CCSER2: variants seen among roughly 807,000 people sequenced by gnomAD.
CCSER2 encodes serine-rich coiled-coil domain-containing protein 2.
Under a neutral mutation model 92.3 loss-of-function variants are expected in CCSER2, and 46 were observed. The ratio of observed to expected loss-of-function variants is 0.50; its 90% CI spans 0.39 to 0.64. The LOEUF (loss-of-function observed/expected upper bound fraction) is 0.64. Ranked by LOEUF, CCSER2 falls within the 30% of genes least tolerant of loss-of-function variation. The probability of loss-of-function intolerance (pLI) is 0.00; values close to 1 mark genes in which losing one functional copy is unlikely to be tolerated. For missense variants in CCSER2, 1,244 were observed against 1,238.9 expected, an observed-to-expected ratio of 1.00 and a Z score of -0.06; for synonymous variants, 433 against 431.4, an observed-to-expected ratio of 1.00 and a Z score of -0.04.
intron 3 of CCSER2, among the ~76,000 whole-genome samples, chr10:84,375,131 A>G (rs1846258118): frequency 6.6e-6 from 1 of 152,166 alleles, no homozygotes. Flanking sequence ...ACCACTTAGT[A>G]CCTGACAGTT....
At chr10:84,513,422 T>C in intron 9 of CCSER2, 27 bp from the exon 10 acceptor site, 1 of 1,518,246 alleles carries the variant, frequency 6.6e-7, no homozygotes, top group African/African-American at 1.4e-5. Context: ...AAGAACTTGC[T>C]GCTAATGTTG....
At position 84,479,188 on chromosome 10, in the gene CCSER2, G is replaced by A. The variant is rs965774293; in HGVS notation, c.2325+1524G>A. On this transcript the variant is annotated intron_variant, in intron 9 of 9. Coordinates refer to ENST00000372088, the MANE Select transcript of CCSER2 (RefSeq NM_001284240.2). The stretch of plus-strand genomic sequence containing the variant: ...TCAGACAAAAGTAACTATAAAAAAA[G>A]TAACTATAAAAGTTACTATAGGAAT... 5.3e-5 allele frequency among the ~76,000 whole-genome samples: 8 copies of A among 152,300 alleles called. No individual in the cohort carries two copies. In the South Asian group the frequency reaches 8.3e-4, roughly 16 times the overall value.
rs2133179860 is a variant in CCSER2, at chr10:84,373,646, C to A, written c.1445C>A (p.Ser482Tyr). 2 of 1,612,970 alleles carry A rather than the reference C, an allele frequency of 1.2e-6. No homozygotes were observed. Among genetic ancestry groups the A allele is most frequent in the East Asian group, 4.5e-5 (2 of 44,814 alleles). The change falls in exon 3 of 10, where the codon TCT (serine) becomes TAT (tyrosine). Residue 482 changes from serine (S) to tyrosine (Y), a missense_variant. Ser to Tyr is a moderately radical substitution (Grantham distance 144). Transcript: ENST00000372088. ...AGGAGTGAATGTACAAAACATACTTCTGGGAATAATTTGGTTTCACCAGAT... is the reference window on the plus strand; with the variant it reads ...AGGAGTGAATGTACAAAACATACTTATGGGAATAATTTGGTTTCACCAGAT... ...SDRSECTKHT[S>Y]GNNLVSPDTD... is the part of the protein sequence containing the mutation.
chr10:84,483,110 C>G (rs945622098), intron 9 of CCSER2, among the ~76,000 whole-genome samples: 1 of 34,006 alleles, frequency 2.9e-5, no homozygotes, highest in African/African-American at 4.5e-5. Context: ...TGTCAACCAC[C>G]CTTTTTGTGC....
intron 3 of CCSER2, among the ~76,000 whole-genome samples, chr10:84,390,217 A>T (rs922505298): frequency 1.3e-5 from 2 of 152,106 alleles, no homozygotes; most frequent in Non-Finnish European, 2.9e-5. Context: ...TTCCCTTTCT[A>T]TATTTGCAGT....
intron 1 of CCSER2, among the ~76,000 whole-genome samples, chr10:84,359,339 T>C (rs1845373758): frequency 6.6e-6 from 1 of 152,036 alleles, no homozygotes; most frequent in Non-Finnish European, 1.5e-5. Flanking sequence ...AAATGTTTAG[T>C]TGATTTATGT....
chr10:84,361,947 C>T (rs1011163791), intron 1 of CCSER2, among the ~76,000 whole-genome samples: 2 of 152,102 alleles, frequency 1.3e-5, no homozygotes, highest in Admixed American at 1.3e-4. Flanking sequence ...GCCTCACTAA[C>T]ATTTTTCTAT....
intron 6 of CCSER2, among the ~76,000 whole-genome samples, chr10:84,447,906 A>T (rs549977118): frequency 6.6e-6 from 1 of 152,082 alleles, no homozygotes; most frequent in Non-Finnish European, 1.5e-5. Context: ...TCCTGGGCTC[A>T]ACCGATCCTC....
intron 1 of CCSER2, among the ~76,000 whole-genome samples, chr10:84,330,347 A>G (rs1843493348): frequency 6.6e-6 from 1 of 152,174 alleles, no homozygotes; most frequent in African/African-American, 2.4e-5. Context: ...AGAATTCTCT[A>G]CCTAGTAAAC....
At chr10:84,393,167 T>C (rs541643334) in intron 3 of CCSER2, among the ~76,000 whole-genome samples, 85 of 152,290 alleles carry the variant, frequency 5.6e-4, no homozygotes, top group African/African-American at 2.0e-3. Context: ...CCTTGAAATG[T>C]CTTTTTTAGG....
rs370296554 is a variant in CCSER2 at position 84,477,561 on chromosome 10, G to A, written c.2236-14G>A. 158 of 1,524,950 alleles carry A rather than the reference G, an allele frequency of 1.0e-4. No homozygotes were observed. Among genetic ancestry groups the A allele is most frequent in the Non-Finnish European group, 1.3e-4 (145 of 1,101,426 alleles). 94.5% of individuals were successfully genotyped at this position (1,524,950 alleles called of 1,614,324 possible). On this transcript the variant is annotated splice_polypyrimidine_tract_variant and intron_variant, in intron 8 of 9. Transcript: ENST00000372088. ...AGAATTAAACCAATGTAAAAATTTT[G>A]TGTTTTTGTTTAGGCAACTCAGCAT...
chr10:84,470,451 T>C lies in CCSER2; in HGVS notation c.2228T>C (p.Leu743Pro). The C allele has an allele frequency of 7.1e-7, 1 of 1,418,032 alleles. No homozygotes were observed. 87.8% of individuals were successfully genotyped at this position (1,418,032 alleles called of 1,614,324 possible). The change falls in exon 8 of 10, where the codon CTT (leucine) becomes CCT (proline). Residue 743 changes from leucine to proline, a missense_variant. Leu to Pro is a moderately conservative substitution (Grantham distance 98, BLOSUM62 -3). Coordinates refer to ENST00000372088, the MANE Select transcript of CCSER2 (RefSeq NM_001284240.2). ...GATGAAAAGATCCAACTATTAGAACTTCAGCTTGTAAGTATTGTAGTATAA... is the reference window on the plus strand; with the variant it reads ...GATGAAAAGATCCAACTATTAGAACCTCAGCTTGTAAGTATTGTAGTATAA... ...KKDEKIQLLE[L>P]QLATQHICHQ...
At position 84,516,582 on chromosome 10, in the gene CCSER2, G is replaced by A. The variant is rs1249288200; in HGVS notation, c.*2315G>A. ...TAGACCCTTATGAAACATTATTTACGAGTTGGCCTTATCCTTAAGGGAAAA... is the reference window on the plus strand; with the variant it reads ...TAGACCCTTATGAAACATTATTTACAAGTTGGCCTTATCCTTAAGGGAAAA... On this transcript the variant is annotated 3_prime_UTR_variant, in exon 10 of 10. Coordinates refer to ENST00000372088, the MANE Select transcript of CCSER2 (RefSeq NM_001284240.2). The A allele has an allele frequency of 2.0e-5, 3 of 152,076 alleles. No individual in the cohort carries two copies. The highest frequency in any genetic ancestry group is 2.1e-4 in the South Asian group (1 of 4,812). The allele number at this position is 152,076 out of a possible 1,614,324, so 9.4% of individuals were successfully genotyped here. A position where few individuals can be genotyped will look rare whatever the true frequency, so the allele number is the denominator to read the frequency against.
At chr10:84,493,318 AT>A (rs1848271411) in intron 9 of CCSER2, among the ~76,000 whole-genome samples, 2 of 152,098 alleles carry the variant, frequency 1.3e-5, no homozygotes, top group African/African-American at 4.8e-5. Flanking sequence ...TTTCATTCTG[AT>A]TTTGGTAATT....
At chr10:84,381,946 G>A (rs1218992585) in intron 3 of CCSER2, among the ~76,000 whole-genome samples, 1 of 147,120 alleles carries the variant, frequency 6.8e-6, no homozygotes, top group African/African-American at 2.5e-5. Flanking sequence ...AAGAACATCC[G>A]TCGTGGACAA....
intron 1 of CCSER2, among the ~76,000 whole-genome samples, chr10:84,365,004 A>G (rs527384514): frequency 2.0e-5 from 3 of 152,050 alleles, no homozygotes; most frequent in Non-Finnish European, 4.4e-5. Context: ...AGCTGCCCAG[A>G]GTGCTGGGAT....
intron 7 of CCSER2, 34 bp downstream of exon 7, chr10:84,464,050 A>G (rs1312792978): frequency 8.9e-7 from 1 of 1,128,362 alleles, no homozygotes; most frequent in Admixed American, 2.1e-5. Flanking sequence ...ATTTTTCAAA[A>G]TTCTTTTTAA....
At chr10:84,358,685 TACAC>T (rs568877723) in intron 1 of CCSER2, among the ~76,000 whole-genome samples, 10 of 147,806 alleles carry the variant, frequency 6.8e-5, no homozygotes, top group African/African-American at 1.3e-4. Context: ...TATATATATA[TACAC>T]ACACACACGT....
intron 6 of CCSER2, among the ~76,000 whole-genome samples, chr10:84,445,715 T>C (rs913625045): frequency 1.3e-5 from 2 of 152,212 alleles, no homozygotes; most frequent in Non-Finnish European, 2.9e-5. Context: ...TGAAATAATA[T>C]AGGATATACT....
Sources: gnomAD v4.1 joint callset for allele counts (sites outside exome capture counted in the v4.1 genomes callset) on GRCh38, gnomAD v4.1.1 for gene constraint, MANE v1.5 for transcripts, NCBI Gene and HGNC (gene_info 2026-07-23, HGNC 2026-07-21) for gene names.